Variants in TRPM3 observed in about 807,000 individuals in gnomAD.
TRPM3 encodes the protein long transient receptor potential channel 3.
In TRPM3, 77 loss-of-function variants were observed where a neutral mutation model predicts 181.2. The observed-to-expected ratio is 0.42, with a 90% CI of 0.35 to 0.51. TRPM3 has a LOEUF of 0.51. TRPM3 is among the 20% of genes least tolerant of loss of function. The pLI is 0.01. For missense variants in TRPM3, 1,759 were observed against 2,196.7 expected, an observed-to-expected ratio of 0.80 and a Z score of 3.98; for synonymous variants, 745 against 796.4, an observed-to-expected ratio of 0.94 and a Z score of 1.09.
chr9:71,308,831 C>G (rs1054666960), intron 1 of TRPM3, among the ~76,000 whole-genome samples: 3 of 147,300 alleles, frequency 2.0e-5, no homozygotes, highest in African/African-American at 7.3e-5. Context: ...GACAACAATT[C>G]TAATGCATTG....
chr9:71,155,086 G>A (rs936632175), intron 1 of TRPM3, among the ~76,000 whole-genome samples: 4 of 152,076 alleles, frequency 2.6e-5, no homozygotes, highest in African/African-American at 7.2e-5. Flanking sequence ...TTATCAAATA[G>A]TATTAATTGT....
chr9:70,962,998 C>A (rs1467947936), intron 1 of TRPM3, among the ~76,000 whole-genome samples: 1 of 152,034 alleles, frequency 6.6e-6, no homozygotes, highest in Non-Finnish European at 1.5e-5. Flanking sequence ...ACCAGTTGAG[C>A]CTGTTTCTAG....
intron 1 of TRPM3, among the ~76,000 whole-genome samples, chr9:71,250,980 C>A (rs1169872344): frequency 6.6e-6 from 1 of 152,110 alleles, no homozygotes; most frequent in African/African-American, 2.4e-5. Context: ...ACAGGAGTGA[C>A]ATGATTTGCT....
intron 1 of TRPM3, among the ~76,000 whole-genome samples, chr9:71,344,095 A>G (rs2091142562): frequency 6.6e-6 from 1 of 152,064 alleles, no homozygotes; most frequent in Admixed American, 6.6e-5. Flanking sequence ...ATTACATAAG[A>G]TGATAACTGA....
At chr9:71,341,961 A>G (rs1406861447) in intron 1 of TRPM3, among the ~76,000 whole-genome samples, 1 of 151,818 alleles carries the variant, frequency 6.6e-6, no homozygotes, top group Non-Finnish European at 1.5e-5. Flanking sequence ...GAGCTTCCAA[A>G]AATTGAGGCA....
chr9:71,255,769 T>C (rs1445355522), intron 1 of TRPM3, among the ~76,000 whole-genome samples: 1 of 152,198 alleles, frequency 6.6e-6, no homozygotes, highest in Non-Finnish European at 1.5e-5. Context: ...CTATTATGTG[T>C]AAAATAATGG....
At chr9:70,856,263 C>A (rs2095384370) in intron 3 of TRPM3, among the ~76,000 whole-genome samples, 1 of 152,132 alleles carries the variant, frequency 6.6e-6, no homozygotes, top group Non-Finnish European at 1.5e-5. Flanking sequence ...TTCTCAGTTT[C>A]AGAAAAACCT....
intron 1 of TRPM3, among the ~76,000 whole-genome samples, chr9:71,196,865 C>A (rs191213757): frequency 8.5e-5 from 9 of 105,806 alleles, no homozygotes; most frequent in Admixed American, 5.1e-4. Flanking sequence ...TTGGGCCTTT[C>A]TTTTTATTTT....
intron 1 of TRPM3, among the ~76,000 whole-genome samples, chr9:70,876,874 A>T (rs1043408026): frequency 1.3e-5 from 2 of 152,020 alleles, no homozygotes; most frequent in African/African-American, 4.8e-5. Context: ...TTACAAAAAA[A>T]GTTGAGAAGA....
chr9:71,000,938 A>G (rs1038979446), intron 1 of TRPM3, among the ~76,000 whole-genome samples: 4 of 152,234 alleles, frequency 2.6e-5, no homozygotes, highest in African/African-American at 4.8e-5. Flanking sequence ...CCCATAAATT[A>G]TAATGCCAGC....
intron 1 of TRPM3, among the ~76,000 whole-genome samples, chr9:71,354,085 G>A (rs555874057): frequency 1.1e-4 from 17 of 152,140 alleles, no homozygotes; most frequent in African/African-American, 2.4e-4. Flanking sequence ...TGTTATTTCC[G>A]TATGCTTTCC....
chr9:70,638,587 G>A (rs2057579628), intron 11 of TRPM3, among the ~76,000 whole-genome samples: 1 of 146,920 alleles, frequency 6.8e-6, no homozygotes, highest in African/African-American at 2.4e-5. Flanking sequence ...AAATTTTTGA[G>A]TGACTCAAAA....
At chr9:70,843,331 T>C (rs910561815) in intron 4 of TRPM3, among the ~76,000 whole-genome samples, 1 of 152,202 alleles carries the variant, frequency 6.6e-6, no homozygotes, top group Non-Finnish European at 1.5e-5. Context: ...GATTTGTATA[T>C]GAATTCTAGC....
At chr9:71,176,711 G>A (rs12551864) in intron 1 of TRPM3, among the ~76,000 whole-genome samples, 148 of 151,974 alleles carry the variant, frequency 9.7e-4, no homozygotes, top group African/African-American at 3.4e-3. Context: ...CCAGTCCTGC[G>A]AGCTCCATTC....
At chr9:71,227,711 A>G (rs1264185634) in intron 1 of TRPM3, among the ~76,000 whole-genome samples, 1 of 152,146 alleles carries the variant, frequency 6.6e-6, no homozygotes, top group Non-Finnish European at 1.5e-5. Context: ...ATGTGCAACC[A>G]TATGCCAATA....
chr9:70,612,613 C>T (rs756689657), intron 18 of TRPM3, among the ~76,000 whole-genome samples: 10 of 152,192 alleles, frequency 6.6e-5, no homozygotes, highest in African/African-American at 1.2e-4. Flanking sequence ...TTGTGGACTC[C>T]GGCTGGAAAA....
intron 22 of TRPM3, among the ~76,000 whole-genome samples, chr9:70,582,937 G>A (rs2056269942): frequency 6.6e-6 from 1 of 152,168 alleles, no homozygotes; most frequent in African/African-American, 2.4e-5. Context: ...TGGAACCTAT[G>A]TGTTTATTTT....
chr9:71,323,468 G>T (rs1013758013), intron 1 of TRPM3, among the ~76,000 whole-genome samples: 3 of 152,080 alleles, frequency 2.0e-5, no homozygotes, highest in African/African-American at 7.2e-5. Context: ...TGATCTGAAT[G>T]TTAACTGAAC....
At chr9:71,171,113 A>G (rs1430389148) in intron 1 of TRPM3, among the ~76,000 whole-genome samples, 19 of 152,146 alleles carry the variant, frequency 1.2e-4, no homozygotes, top group Admixed American at 1.2e-3. Context: ...TCCCAGGCTT[A>G]TTAGGAAGAG....
Sources: allele counts gnomAD v4.1 joint callset (sites outside exome capture counted in the v4.1 genomes callset), GRCh38; gene constraint gnomAD v4.1.1; transcripts MANE v1.5; gene names NCBI Gene and HGNC (gene_info 2026-07-23, HGNC 2026-07-21).